EPHX2: variants seen among roughly 807,000 people sequenced by gnomAD.
The protein encoded by EPHX2 is bifunctional epoxide hydrolase 2.
A neutral mutation model predicts 78.7 loss-of-function variants in EPHX2; 74 were observed. That is an observed-to-expected ratio of 0.94 (90% CI 0.78 to 1.14). EPHX2 has a LOEUF of 1.14. EPHX2 is among the 50% of genes most tolerant of loss of function. EPHX2 has a pLI of 0.00. For synonymous variants in EPHX2, 251 were observed against 255.2 expected, an observed-to-expected ratio of 0.98 and a Z score of 0.16; for missense variants, 715 against 702.5, an observed-to-expected ratio of 1.02 and a Z score of -0.20.
At chr8:27,515,563 T>A in intron 6 of EPHX2, 155 bp from the exon 7 acceptor site, 1 of 628,948 alleles carries the variant, frequency 1.6e-6, no homozygotes. Flanking sequence ...TTCTCAGCCA[T>A]TTTCATGTAA....
chr8:27,496,531 A>G (rs747945501), intron 1 of EPHX2, among the ~76,000 whole-genome samples: 1 of 152,208 alleles, frequency 6.6e-6, no homozygotes, highest in Non-Finnish European at 1.5e-5. Context: ...TTGAGAGAGC[A>G]GGGTATAGGG....
intron 3 of EPHX2, among the ~76,000 whole-genome samples, chr8:27,504,100 A>AT (rs1315291082): frequency 1.3e-5 from 2 of 152,112 alleles, no homozygotes; most frequent in African/African-American, 4.8e-5. Context: ...AGCAACTGTG[A>AT]TTTTCTTAGC....
At chr8:27,507,757 C>A (rs1362446806) in intron 5 of EPHX2, among the ~76,000 whole-genome samples, 1 of 152,186 alleles carries the variant, frequency 6.6e-6, no homozygotes, top group African/African-American at 2.4e-5. Flanking sequence ...TCTCACTGTT[C>A]TGGAGGCTGG....
At chr8:27,498,467 T>C (rs1813653032) in intron 1 of EPHX2, among the ~76,000 whole-genome samples, 1 of 152,154 alleles carries the variant, frequency 6.6e-6, no homozygotes, top group African/African-American at 2.4e-5. Context: ...TGGTATCTTC[T>C]TCCTGTATAG....
intron 9 of EPHX2, 37 bp downstream of exon 9, chr8:27,518,109 C>A: frequency 6.3e-7 from 1 of 1,577,376 alleles, no homozygotes; most frequent in Non-Finnish European, 8.6e-7. Context: ...CCCCATCCTG[C>A]GATTTTTGTT....
At chr8:27,520,464 A>G (rs1814607282) in intron 9 of EPHX2, among the ~76,000 whole-genome samples, 1 of 151,854 alleles carries the variant, frequency 6.6e-6, no homozygotes, top group Non-Finnish European at 1.5e-5. Flanking sequence ...CTCCTGCCTC[A>G]TTCTCCCAAG....
At chr8:27,544,041 C>T in intron 17 of EPHX2, 145 bp from the exon 18 acceptor site, 2 of 1,081,886 alleles carry the variant, frequency 1.8e-6, no homozygotes, top group Non-Finnish European at 2.8e-6. Context: ...CTCATTCATT[C>T]ATTATTCCCT....
At chr8:27,532,147 G>A (rs1815066731) in intron 12 of EPHX2, among the ~76,000 whole-genome samples, 1 of 152,060 alleles carries the variant, frequency 6.6e-6, no homozygotes, top group Non-Finnish European at 1.5e-5. Context: ...GCTCCTGGGG[G>A]TGGTGCCTGG....
Position 27,505,008 on chromosome 8 carries a change from A to G in EPHX2, c.399A>G (p.Arg133=), listed in dbSNP as rs1585190621. Residue 133 remains arginine (R), a synonymous_variant, in exon 4 of 19, where the codon AGA becomes AGG. Transcript: ENST00000521400. ...CCTGGCTGGACGACCGTGCTGAGAG[A>G]GATGGCCTGGCCCAGCTGATGTGTG... ...TNTWLDDRAE[R]DGLAQLMCEL... is the part of the protein sequence containing the mutation. 6.8e-6 allele frequency: 11 copies of G among 1,613,912 alleles called. No individual in the cohort carries two copies. The Admixed American group carries it at 1.3e-4, about 20-fold the overall frequency.
intron 17 of EPHX2, 52 bp downstream of exon 17, chr8:27,543,881 C>T (rs550258077): frequency 8.6e-5 from 136 of 1,582,584 alleles, no homozygotes; most frequent in South Asian, 2.1e-4. Flanking sequence ...GGAGAGGGCA[C>T]GGGTGCTCAG....
chr8:27,533,997 C>T (rs1815129720), intron 12 of EPHX2, among the ~76,000 whole-genome samples: 1 of 152,144 alleles, frequency 6.6e-6, no homozygotes, highest in Non-Finnish European at 1.5e-5. Flanking sequence ...GAAATGCACC[C>T]CTGAGCTCAT....
intron 12 of EPHX2, among the ~76,000 whole-genome samples, chr8:27,532,611 G>T (rs1468794681): frequency 1.3e-5 from 2 of 152,096 alleles, no homozygotes; most frequent in Non-Finnish European, 2.9e-5. Context: ...CCCAGCCCCT[G>T]GCCGTTGCTG....
At position 27,516,294 on chromosome 8, in the gene EPHX2, C is replaced by T. The variant is rs1311964899; in HGVS notation, c.832-26C>T. 2.5e-6 allele frequency: 4 copies of T among 1,608,002 alleles called. No individual in the cohort carries two copies. The African/African-American group carries it at 5.4e-5, about 22-fold the overall frequency. On this transcript the variant is annotated intron_variant, in intron 7 of 18. Coordinates refer to ENST00000521400, the MANE Select transcript of EPHX2 (RefSeq NM_001979.6). ...TCCGCCTAGGACTGATGGGACCATG[C>T]TGGAGTGTGCCTGTTTGTTTTCTAG...
intron 9 of EPHX2, 100 bp from the exon 10 acceptor site, chr8:27,520,783 C>G: frequency 6.9e-7 from 1 of 1,438,938 alleles, no homozygotes; most frequent in Non-Finnish European, 9.8e-7. Context: ...GTTAGGACTT[C>G]AACACAGCAG....
chr8:27,534,704 C>T (rs1198473469), intron 12 of EPHX2, among the ~76,000 whole-genome samples: 4 of 152,166 alleles, frequency 2.6e-5, no homozygotes, highest in Admixed American at 6.5e-5. Flanking sequence ...GACTGCAGGT[C>T]GCTGGAACGA....
rs375593102 is a variant in EPHX2 at position 27,544,530 on chromosome 8, C to T, written c.*8C>T. 2.5e-6 allele frequency: 4 copies of T among 1,613,236 alleles called. No homozygotes were observed. Among genetic ancestry groups the T allele is most frequent in the East Asian group, 2.2e-5 (1 of 44,874 alleles). On this transcript the variant is annotated 3_prime_UTR_variant, in exon 19 of 19. Coordinates refer to ENST00000521400, the MANE Select transcript of EPHX2 (RefSeq NM_001979.6). The stretch of plus-strand genomic sequence containing the variant: ...GTGGTCTCAAAGATGTAGAACGCAG[C>T]GTGTGCCCACGCTCAGCAGGTGTGC...
chr8:27,531,682 G>A (rs556769956), intron 12 of EPHX2, among the ~76,000 whole-genome samples: 19 of 152,318 alleles, frequency 1.2e-4, no homozygotes, highest in Admixed American at 1.2e-3. Context: ...GCTGAGTGGG[G>A]GCTTCGTGGA....
intron 4 of EPHX2, among the ~76,000 whole-genome samples, chr8:27,505,937 C>T (rs1813990074): frequency 6.6e-6 from 1 of 152,178 alleles, no homozygotes; most frequent in Non-Finnish European, 1.5e-5. Context: ...CCCATGCTTT[C>T]TATGACTTCC....
At chr8:27,510,722 G>A (rs1814206998) in intron 5 of EPHX2, among the ~76,000 whole-genome samples, 1 of 152,144 alleles carries the variant, frequency 6.6e-6, no homozygotes, top group African/African-American at 2.4e-5. Flanking sequence ...GGGAGGCCAA[G>A]GTGGGAGGAT....
Sources: allele counts gnomAD v4.1 joint callset (sites outside exome capture counted in the v4.1 genomes callset), GRCh38; gene constraint gnomAD v4.1.1; transcripts MANE v1.5; gene names NCBI Gene and HGNC (gene_info 2026-07-23, HGNC 2026-07-21).